MTUS2: variants seen among roughly 807,000 people sequenced by gnomAD.
The protein encoded by MTUS2 is microtubule-associated tumor suppressor candidate 2.
A neutral mutation model predicts 114.1 loss-of-function variants in MTUS2; 40 were observed. The ratio of observed to expected loss-of-function variants is 0.35; its 90% CI spans 0.27 to 0.46. The LOEUF (loss-of-function observed/expected upper bound fraction) is 0.46, where lower values mean the gene tolerates loss of function less well. Among genes scored for constraint, MTUS2 ranks in the 20% least tolerant of loss-of-function variants. The pLI is 1.00. For missense variants in MTUS2, 1,679 were observed against 1,705.4 expected (o/e 0.98, Z 0.27); for synonymous variants, 688 against 672.0 (o/e 1.02, Z -0.37).
rs192128009 is a variant in MTUS2, at chr13:29,054,549, A to G, written c.2446+20424A>G. 3.4e-3 allele frequency among the ~76,000 whole-genome samples: 511 copies of G among 152,172 alleles called. 4 individuals are homozygous for G. The highest frequency in any genetic ancestry group is 0.012 in the African/African-American group (494 of 41,526). On this transcript the variant is annotated intron_variant, in intron 4 of 15. Transcript: ENST00000612955. ...GGGGGAGTTGTGTTATGGGTACAGA[A>G]CGTCAGTTTTGCAAGATGAAAAAGT...
intron 9 of MTUS2, among the ~76,000 whole-genome samples, chr13:29,473,073 T>C (rs1384023518): frequency 3.9e-5 from 6 of 152,214 alleles, no homozygotes; most frequent in Admixed American, 2.6e-4. Context: ...GTGACTATTA[T>C]AGTGACCTAA....
chr13:29,341,011 T>C (rs1172579798), intron 7 of MTUS2, among the ~76,000 whole-genome samples: 1 of 152,236 alleles, frequency 6.6e-6, no homozygotes, highest in African/African-American at 2.4e-5. Context: ...TAGTATTTCA[T>C]AGTACGTTTG....
chr13:29,031,272 T>TGTGTGTGTGTGTGTGTGTG (rs1593400903), intron 3 of MTUS2, among the ~76,000 whole-genome samples: 3 of 134,210 alleles, frequency 2.2e-5, no homozygotes, highest in Non-Finnish European at 4.8e-5. Flanking sequence ...GTGTGTGTGG[T>TGTGTGTGTGTGTGTGTGTG]GTGTGTTCAC....
intron 2 of MTUS2, among the ~76,000 whole-genome samples, chr13:29,016,763 T>C (rs1437497487): frequency 2.0e-5 from 3 of 152,232 alleles, no homozygotes; most frequent in African/African-American, 7.2e-5. Flanking sequence ...CTACCCATGT[T>C]ATGTACATAA....
chr13:29,465,795 T>C (rs866055159), intron 9 of MTUS2, among the ~76,000 whole-genome samples: 2 of 152,208 alleles, frequency 1.3e-5, no homozygotes, highest in South Asian at 4.1e-4. Context: ...TGGCCTCTGC[T>C]CCATAAGGTT....
chr13:29,318,391 C>CTTTTTTTTTTTTTTTTTTTTT (rs71090240), intron 6 of MTUS2, among the ~76,000 whole-genome samples: 36 of 135,050 alleles, frequency 2.7e-4, no homozygotes, highest in African/African-American at 4.5e-4. Flanking sequence ...ATTTCTTTTT[C>CTTTTTTTTTTTTTTTTTTTTT]TTTTTTTTTT....
intron 9 of MTUS2, among the ~76,000 whole-genome samples, chr13:29,459,340 C>T (rs982330303): frequency 2.0e-5 from 3 of 152,142 alleles, no homozygotes; most frequent in Admixed American, 6.5e-5. Context: ...CAGCTCTCTC[C>T]CTCCTCTCCT....
intron 5 of MTUS2, among the ~76,000 whole-genome samples, chr13:29,102,382 C>T (rs1890459071): frequency 6.6e-6 from 1 of 152,126 alleles, no homozygotes; most frequent in African/African-American, 2.4e-5. Flanking sequence ...AAATTAACCT[C>T]AAGGCAAGAT....
intron 8 of MTUS2, among the ~76,000 whole-genome samples, chr13:29,375,526 TATA>T (rs1566162935): frequency 4.9e-5 from 1 of 20,616 alleles, no homozygotes; most frequent in Non-Finnish European, 1.1e-4. Context: ...TATATATATA[TATA>T]TATATATACG....
intron 8 of MTUS2, among the ~76,000 whole-genome samples, chr13:29,413,416 A>G (rs1235197233): frequency 6.8e-6 from 1 of 147,832 alleles, no homozygotes; most frequent in Non-Finnish European, 1.5e-5. Context: ...TGTCCAAAAC[A>G]CCAAAAGCAA....
At chr13:29,169,912 C>T (rs1482161494) in intron 5 of MTUS2, among the ~76,000 whole-genome samples, 1 of 152,172 alleles carries the variant, frequency 6.6e-6, no homozygotes, top group African/African-American at 2.4e-5. Context: ...CTAGCTAAGT[C>T]CCCCAAACCT....
chr13:29,352,216 TTTC>T (rs1405639592), intron 7 of MTUS2, among the ~76,000 whole-genome samples: 3 of 152,182 alleles, frequency 2.0e-5, no homozygotes, highest in Admixed American at 2.0e-4. Flanking sequence ...TCTCTCTCAG[TTTC>T]TTCTTCTGTG....
intron 8 of MTUS2, among the ~76,000 whole-genome samples, chr13:29,412,666 G>T (rs564382149): frequency 1.3e-5 from 2 of 152,250 alleles, no homozygotes; most frequent in South Asian, 4.2e-4. Flanking sequence ...GAGACAGGGG[G>T]ATTGCTTGAG....
intron 2 of MTUS2, among the ~76,000 whole-genome samples, chr13:28,938,676 A>G (rs980094531): frequency 1.3e-5 from 2 of 152,138 alleles, no homozygotes; most frequent in Non-Finnish European, 2.9e-5. Context: ...TTAGAAATAG[A>G]AGGGAACTTA....
intron 2 of MTUS2, among the ~76,000 whole-genome samples, chr13:28,978,799 G>A (rs1400617893): frequency 6.6e-6 from 1 of 152,102 alleles, no homozygotes; most frequent in African/African-American, 2.4e-5. Flanking sequence ...TTGTGACGAC[G>A]GGTCAGTGGA....
At chr13:29,188,425 G>A (rs1010467053) in intron 5 of MTUS2, among the ~76,000 whole-genome samples, 1 of 152,144 alleles carries the variant, frequency 6.6e-6, no homozygotes, top group Non-Finnish European at 1.5e-5. Context: ...TCCCTAAATT[G>A]TTTATTTCTT....
rs1566109457 is a variant in MTUS2 at position 29,284,401 on chromosome 13, T to TA, written c.2806+2536_2806+2537insA. The stretch of plus-strand genomic sequence containing the variant: ...AAGCAATAGAAGAATAAGCTATTTT[T>TA]TAAAAAAAAAAAATGATGGCCTTCA... On this transcript the variant is annotated intron_variant, in intron 6 of 15. Transcript: ENST00000612955. Among the ~76,000 whole-genome samples, 290 of 118,224 alleles carry TA rather than the reference T, an allele frequency of 2.5e-3. 1 individual carries two copies. The highest frequency in any genetic ancestry group is 8.0e-3 in the African/African-American group (264 of 32,926). 77.6% of individuals were successfully genotyped at this position (118,224 alleles called of 152,430 possible). A position where few individuals can be genotyped will look rare whatever the true frequency, so the allele number is the denominator to read the frequency against.
intron 9 of MTUS2, among the ~76,000 whole-genome samples, chr13:29,472,953 A>G (rs185360099): frequency 8.9e-4 from 136 of 152,274 alleles, no homozygotes; most frequent in Non-Finnish European, 9.9e-4. Context: ...TTTAAATTAA[A>G]TTTTGTCCTT....
intron 2 of MTUS2, among the ~76,000 whole-genome samples, chr13:28,885,744 A>G (rs901080508): frequency 6.6e-6 from 1 of 152,230 alleles, no homozygotes; most frequent in Admixed American, 6.5e-5. Context: ...TTTGATATAT[A>G]TCCAACAAAT....
Sources: gnomAD v4.1 joint callset for allele counts (sites outside exome capture counted in the v4.1 genomes callset) on GRCh38, gnomAD v4.1.1 for gene constraint, MANE v1.5 for transcripts, NCBI Gene and HGNC (gene_info 2026-07-23, HGNC 2026-07-21) for gene names.